Variants in CLOCK observed in about 807,000 individuals in gnomAD.
CLOCK encodes circadian locomoter output cycles protein kaput.
A neutral mutation model predicts 118.4 loss-of-function variants in CLOCK; 43 were observed. That is an observed-to-expected ratio of 0.36 (90% CI 0.28 to 0.47). The LOEUF is 0.47. Among genes scored for constraint, CLOCK ranks in the 20% least tolerant of loss-of-function variants. The pLI is 1.00. For synonymous variants in CLOCK, 326 were observed against 339.2 expected (o/e 0.96, Z 0.43); for missense variants, 846 against 999.9 (o/e 0.85, Z 2.08).
intron 1 of CLOCK, among the ~76,000 whole-genome samples, chr4:55,514,566 T>C (rs1522108): frequency 0.72 from 108,166 of 150,866 alleles, 39,365 homozygotes; most frequent in African/African-American, 0.83. Context: ...TGAAGAAGTT[T>C]CTCTCTATTC....
chr4:55,545,413 A>G (rs1240631782), intron 1 of CLOCK: 3 of 152,236 alleles, frequency 2.0e-5, no homozygotes, highest in Non-Finnish European at 4.4e-5. Flanking sequence ...CTAATCGCTT[A>G]AAGCTACAAA....
chr4:55,541,977 G>A, intron 1 of CLOCK, among the ~76,000 whole-genome samples: 1 of 150,040 alleles, frequency 6.7e-6, no homozygotes. Flanking sequence ...GCCAGAAATA[G>A]GCTCATCCTT....
intron 8 of CLOCK, among the ~76,000 whole-genome samples, chr4:55,464,304 T>C (rs1257514731): frequency 6.6e-6 from 1 of 152,150 alleles, no homozygotes; most frequent in African/African-American, 2.4e-5. Flanking sequence ...TGTTTAGTTA[T>C]CCCCCCTCAA....
At position 55,442,199 on chromosome 4, in the gene CLOCK, A is replaced by G. The variant is rs142108677; in HGVS notation, c.2105+233T>C. On this transcript the variant is annotated intron_variant, in intron 21 of 22. Coordinates refer to ENST00000513440, the MANE Select transcript of CLOCK (RefSeq NM_004898.4). The stretch of plus-strand genomic sequence containing the variant: ...CAGTGTGCTGCAGAATTTGTATTCT[A>G]TAATATTTTGTAGCATATTTTTGGA... 294 of 521,258 alleles carry G rather than the reference A, an allele frequency of 5.6e-4. 1 individual carries two copies. In the East Asian group the frequency reaches 6.1e-3, roughly 11 times the overall value. 32.3% of individuals were successfully genotyped at this position (521,258 alleles called of 1,614,324 possible).
intron 18 of CLOCK, 121 bp downstream of exon 18, chr4:55,448,658 C>T: frequency 3.1e-6 from 2 of 654,830 alleles, no homozygotes; most frequent in South Asian, 1.6e-5. Flanking sequence ...CTACCTCAGC[C>T]TCCCAAGTAG....
chr4:55,474,021 T>G (rs1726321756), intron 7 of CLOCK, among the ~76,000 whole-genome samples: 1 of 152,164 alleles, frequency 6.6e-6, no homozygotes, highest in Non-Finnish European at 1.5e-5. Context: ...GAAGAGTCCC[T>G]CATCTCTGAC....
rs902208666 is a variant in CLOCK, at chr4:55,508,723, G to T, written c.-136+1189C>A. 5.6e-4 allele frequency among the ~76,000 whole-genome samples: 85 copies of T among 152,022 alleles called. 1 individual carries two copies. The highest frequency in any genetic ancestry group is 1.6e-4 in the Non-Finnish European group (11 of 68,014). ...TTCTTCTGCCTCAGCCTCCTGAGTA[G>T]CTGGGACTACAGGCGCCTGCCACCA... On this transcript the variant is annotated intron_variant, in intron 2 of 22. Transcript: ENST00000513440.
At chr4:55,518,099 T>C (rs1729633126) in intron 1 of CLOCK, among the ~76,000 whole-genome samples, 1 of 152,144 alleles carries the variant, frequency 6.6e-6, no homozygotes, top group South Asian at 2.1e-4. Context: ...TGAGTTGTGG[T>C]CATAGAAGTT....
rs970902142 is a variant in CLOCK at position 55,431,075 on chromosome 4, A to G, written c.*4340T>C. On this transcript the variant is annotated 3_prime_UTR_variant, in exon 23 of 23. Transcript: ENST00000513440. ...TTAGAAATGGTTAACGCCTAAGAAT[A>G]AACTTTATCAAAATGAGTAATTGCA... The G allele has an allele frequency of 6.6e-6, 1 of 152,240 alleles. No individual in the cohort carries two copies. Among genetic ancestry groups the G allele is most frequent in the African/African-American group, 2.4e-5 (1 of 41,464 alleles). 9.4% of individuals were successfully genotyped at this position (152,240 alleles called of 1,614,324 possible).
chr4:55,478,235 T>A (rs1726661128), intron 6 of CLOCK, among the ~76,000 whole-genome samples: 1 of 152,152 alleles, frequency 6.6e-6, no homozygotes, highest in Non-Finnish European at 1.5e-5. Context: ...TTTCTTCTAT[T>A]AACAAATACT....
chr4:55,533,709 C>T (rs1730701136), intron 1 of CLOCK, among the ~76,000 whole-genome samples: 1 of 151,782 alleles, frequency 6.6e-6, no homozygotes, highest in Non-Finnish European at 1.5e-5. Flanking sequence ...TTGAGACCAG[C>T]TTGGCCAACA....
intron 1 of CLOCK, among the ~76,000 whole-genome samples, chr4:55,518,209 G>C (rs557210557): frequency 2.6e-5 from 4 of 152,234 alleles, no homozygotes; most frequent in South Asian, 4.2e-4. Context: ...TGAAGAGAAA[G>C]TTAAATAAGG....
At chr4:55,449,637 A>G in intron 16 of CLOCK, 141 bp from the exon 17 acceptor site, 1 of 710,030 alleles carries the variant, frequency 1.4e-6, no homozygotes, top group South Asian at 1.7e-5. Flanking sequence ...AGTCCATGAC[A>G]GATGATTCAA....
rs1722564010 is a variant in CLOCK at position 55,432,283 on chromosome 4, A to C, written c.*3132T>G. 6.6e-6 allele frequency: 1 copy of C among 152,094 alleles called. No individual in the cohort carries two copies. Among genetic ancestry groups the C allele is most frequent in the South Asian group, 2.1e-4 (1 of 4,832 alleles). 9.4% of individuals were successfully genotyped at this position (152,094 alleles called of 1,614,324 possible). ...TGACACCACTCTAAGGAGCAACTTT[A>C]TTAACCCTTCTAGTTCTCACTTGCA... On this transcript the variant is annotated 3_prime_UTR_variant, in exon 23 of 23. Coordinates refer to ENST00000513440, the MANE Select transcript of CLOCK (RefSeq NM_004898.4).
Position 55,510,299 on chromosome 4 carries a change from G to A in CLOCK, c.-289-234C>T, listed in dbSNP as rs1729055069. 2.0e-5 allele frequency among the ~76,000 whole-genome samples: 3 copies of A among 152,152 alleles called. No individual in the cohort carries two copies. The South Asian group carries it at 6.2e-4, about 32-fold the overall frequency. On this transcript the variant is annotated intron_variant, in intron 1 of 22. Transcript: ENST00000513440. Reference sequence around the variant, plus strand: ...GATGGTGTGAAGGGAAAGCATAACAGAGATACAAACCAGTTTGCTGGAAAT... The same window carrying A: ...GATGGTGTGAAGGGAAAGCATAACAAAGATACAAACCAGTTTGCTGGAAAT...
At chr4:55,495,066 T>G (rs144266465) in intron 2 of CLOCK, among the ~76,000 whole-genome samples, 101 of 152,314 alleles carry the variant, frequency 6.6e-4, no homozygotes, top group African/African-American at 2.2e-3. Context: ...GCAACCTGCA[T>G]AGGAGATCAT....
chr4:55,545,931 A>T (rs985089973), intron 1 of CLOCK: 1 of 152,224 alleles, frequency 6.6e-6, no homozygotes, highest in African/African-American at 2.4e-5. Flanking sequence ...CTGGAGTCAG[A>T]CGCTAATAGC....
intron 1 of CLOCK, among the ~76,000 whole-genome samples, chr4:55,543,807 A>G (rs1288843641): frequency 6.6e-6 from 1 of 152,096 alleles, no homozygotes; most frequent in Non-Finnish European, 1.5e-5. Context: ...ATGTAATTCC[A>G]TTTTTAAAAA....
At chr4:55,542,949 C>T (rs781350218) in intron 1 of CLOCK, among the ~76,000 whole-genome samples, 84 of 152,228 alleles carry the variant, frequency 5.5e-4, no homozygotes, top group Non-Finnish European at 9.0e-4. Flanking sequence ...ATCCAAGCAC[C>T]TTTTGGGTTT....
Sources: allele counts gnomAD v4.1 joint callset (sites outside exome capture counted in the v4.1 genomes callset), GRCh38; gene constraint gnomAD v4.1.1; transcripts MANE v1.5; gene names NCBI Gene and HGNC (gene_info 2026-07-23, HGNC 2026-07-21).